LRRC8D: variants seen among roughly 807,000 people sequenced by gnomAD.
LRRC8D encodes the protein volume-regulated anion channel subunit LRRC8D.
Under a neutral mutation model 55.8 loss-of-function variants are expected in LRRC8D, and 20 were observed. The ratio of observed to expected loss-of-function variants is 0.36; its 90% CI spans 0.25 to 0.52. LRRC8D has a LOEUF of 0.52. LRRC8D is among the 20% of genes least tolerant of loss of function. The pLI is 0.93. For missense variants in LRRC8D, 651 were observed against 1,030.8 expected (o/e 0.63, Z 5.05); for synonymous variants, 352 against 377.0 (o/e 0.93, Z 0.77).
chr1:89,828,112 T>C (rs761669865), intron 1 of LRRC8D, among the ~76,000 whole-genome samples: 15 of 152,234 alleles, frequency 9.9e-5, no homozygotes, highest in Non-Finnish European at 1.8e-4. Context: ...GGGTACTGAC[T>C]GAAGACACCT....
chr1:89,840,212 C>G lies in LRRC8D; in HGVS notation c.-147-3426C>G, dbSNP rs186942826. Among the ~76,000 whole-genome samples the G allele has an allele frequency of 1.0e-4, 15 of 147,464 alleles. No homozygotes were observed. In the East Asian group the frequency reaches 2.9e-3, roughly 29 times the overall value. On this transcript the variant is annotated intron_variant, in intron 1 of 2. Transcript: ENST00000337338. ...TTTAATATATATACATACACGTGCA[C>G]ACACACACGTGCGCATGCACACACA...
chr1:89,892,159 G>T (rs1297504245), intron 2 of LRRC8D, among the ~76,000 whole-genome samples: 1 of 152,222 alleles, frequency 6.6e-6, no homozygotes, highest in Non-Finnish European at 1.5e-5. Context: ...AGCTCACAAT[G>T]ATAAAATGCT....
Position 89,934,971 on chromosome 1 carries a change from A to G in LRRC8D, c.1903A>G (p.Met635Val). Residue 635 changes from methionine to valine, a missense_variant, in exon 3 of 3, where the codon ATG becomes GTG. Transcript: ENST00000337338. The surrounding 1 kb of genome is among the most constrained non-coding windows in gnomAD (Gnocchi z 5.9). ...GGTACTGAACAGCCTTAAGAAAATG[A>G]TGAATGTCGCTGAGCTGGAACTCCA... ...LLVLNSLKKM[M>V]NVAELELQNC... The G allele has an allele frequency of 6.2e-7, 1 of 1,614,136 alleles. No individual in the cohort carries two copies. The highest frequency in any genetic ancestry group is 8.5e-7 in the Non-Finnish European group (1 of 1,180,034).
chr1:89,863,326 C>G (rs916765695), intron 2 of LRRC8D, among the ~76,000 whole-genome samples: 1 of 152,134 alleles, frequency 6.6e-6, no homozygotes, highest in Non-Finnish European at 1.5e-5. Context: ...TGGTCTGTGG[C>G]CCCTGGAGGA....
At chr1:89,835,873 A>G (rs1328119444) in intron 1 of LRRC8D, among the ~76,000 whole-genome samples, 2 of 152,206 alleles carry the variant, frequency 1.3e-5, no homozygotes, top group Non-Finnish European at 2.9e-5. Context: ...TTGCTCGCGT[A>G]TTGAGGGCTT....
chr1:89,934,352 G>A lies in LRRC8D; in HGVS notation c.1284G>A (p.Gln428=). ...FLLHMVDQYD[Q]LYSKRFGVFL... is the part of the protein sequence containing the mutation. ...TTCACATGGTAGACCAGTATGACCA[G>A]CTATATTCCAAGCGTTTTGGTGTGT... Residue 428 remains glutamine, a synonymous_variant, in exon 3 of 3, where the codon CAG becomes CAA. Coordinates refer to ENST00000337338, the MANE Select transcript of LRRC8D (RefSeq NM_001134479.2). The surrounding 1 kb of genome is among the most constrained non-coding windows in gnomAD (Gnocchi z 5.9). 6.2e-7 allele frequency: 1 copy of A among 1,613,790 alleles called. No homozygotes were observed.
chr1:89,862,400 A>G (rs923245973), intron 2 of LRRC8D, among the ~76,000 whole-genome samples: 7 of 152,292 alleles, frequency 4.6e-5, no homozygotes, highest in Admixed American at 1.3e-4. Flanking sequence ...TGTTAATGAA[A>G]AAGTTATTGT....
intron 1 of LRRC8D, among the ~76,000 whole-genome samples, chr1:89,833,115 C>T (rs1402709259): frequency 2.6e-5 from 4 of 152,228 alleles, no homozygotes; most frequent in Admixed American, 6.5e-5. Context: ...CTCACAACAA[C>T]GACGAACATA....
At chr1:89,920,992 A>G (rs191591822) in intron 2 of LRRC8D, among the ~76,000 whole-genome samples, 1 of 152,308 alleles carries the variant, frequency 6.6e-6, no homozygotes, top group Admixed American at 6.5e-5. Context: ...GCCCAGGTTG[A>G]CCAAGAGGGC....
chr1:89,903,468 T>A (rs1298261530), intron 2 of LRRC8D, among the ~76,000 whole-genome samples: 1 of 152,228 alleles, frequency 6.6e-6, no homozygotes, highest in African/African-American at 2.4e-5. Flanking sequence ...TGGCTGCCTT[T>A]TCAATGAGGT....
intron 2 of LRRC8D, among the ~76,000 whole-genome samples, chr1:89,859,837 A>T (rs1661654195): frequency 6.6e-6 from 1 of 152,222 alleles, no homozygotes; most frequent in South Asian, 2.1e-4. Flanking sequence ...ATTGACAGAG[A>T]GGCTACCTTC....
At chr1:89,894,329 T>A (rs565224064) in intron 2 of LRRC8D, among the ~76,000 whole-genome samples, 1 of 152,282 alleles carries the variant, frequency 6.6e-6, no homozygotes, top group African/African-American at 2.4e-5. Context: ...GACAGCCCCA[T>A]ATTACTCACT....
At chr1:89,853,544 T>G (rs1190585693) in intron 2 of LRRC8D, among the ~76,000 whole-genome samples, 1 of 152,198 alleles carries the variant, frequency 6.6e-6, no homozygotes, top group African/African-American at 2.4e-5. Context: ...TTTTGTTTGT[T>G]TGTTTTTATA....
intron 2 of LRRC8D, among the ~76,000 whole-genome samples, chr1:89,863,325 G>A (rs890706294): frequency 6.6e-6 from 1 of 152,164 alleles, no homozygotes; most frequent in African/African-American, 2.4e-5. Flanking sequence ...CTGGTCTGTG[G>A]CCCCTGGAGG....
At chr1:89,859,318 C>T (rs1661639672) in intron 2 of LRRC8D, among the ~76,000 whole-genome samples, 1 of 151,124 alleles carries the variant, frequency 6.6e-6, no homozygotes, top group Admixed American at 6.6e-5. Flanking sequence ...ATAGTAGTGT[C>T]GAACAATGAT....
chr1:89,854,818 G>A (rs569146660), intron 2 of LRRC8D, among the ~76,000 whole-genome samples: 5 of 152,284 alleles, frequency 3.3e-5, no homozygotes, highest in Non-Finnish European at 5.9e-5. Context: ...TTAGATAACC[G>A]TACCCAGGTG....
At chr1:89,857,382 CAAAAAA>C (rs759975883) in intron 2 of LRRC8D, among the ~76,000 whole-genome samples, 95 of 63,042 alleles carry the variant, frequency 1.5e-3, no homozygotes, top group Non-Finnish European at 2.6e-3. Context: ...AACTCCATCT[CAAAAAA>C]AAAAAAAAAA....
chr1:89,912,138 G>GA (rs1221741400), intron 2 of LRRC8D, among the ~76,000 whole-genome samples: 1 of 151,924 alleles, frequency 6.6e-6, no homozygotes, highest in African/African-American at 2.4e-5. Flanking sequence ...TATTCCAACT[G>GA]AAAAATTGAA....
intron 2 of LRRC8D, among the ~76,000 whole-genome samples, chr1:89,862,303 T>G (rs1355047171): frequency 1.3e-5 from 2 of 152,226 alleles, no homozygotes; most frequent in East Asian, 3.8e-4. Context: ...TGTACCACCC[T>G]GACTCCAGCC....
Sources: gnomAD v4.1 joint callset for allele counts (sites outside exome capture counted in the v4.1 genomes callset) on GRCh38, gnomAD v4.1.1 for gene constraint, Gnocchi (gnomAD v3.1) non-coding constraint, MANE v1.5 for transcripts, NCBI Gene and HGNC (gene_info 2026-07-23, HGNC 2026-07-21) for gene names.